C4orf36: variants seen among roughly 807,000 people sequenced by gnomAD.
C4orf36 encodes the protein uncharacterized protein C4orf36.
A neutral mutation model predicts 12.2 loss-of-function variants in C4orf36; 11 were observed. The observed-to-expected ratio is 0.90, with a 90% CI of 0.57 to 1.49. The LOEUF is 1.49. Among genes scored for constraint, C4orf36 ranks in the 40% most tolerant of loss-of-function variants. The pLI, the probability that C4orf36 is intolerant of heterozygous loss-of-function variation, is 0.00. For synonymous variants in C4orf36, 54 were observed against 51.3 expected, an observed-to-expected ratio of 1.05 and a Z score of -0.22; for missense variants, 137 against 133.9, an observed-to-expected ratio of 1.02 and a Z score of -0.11.
chr4:86,926,139 A>G, the C4orf36 span: 1 of 152,314 alleles, frequency 6.6e-6, no homozygotes, highest in African/African-American at 2.4e-5. Context: ...TTGGCCTCCC[A>G]AAGTGTTGGG....
chr4:86,914,237 G>A, the C4orf36 span: 1 of 1,601,052 alleles, frequency 6.2e-7, no homozygotes, highest in East Asian at 2.2e-5. Context: ...TTGGCTTACA[G>A]ACACCATCTT....
chr4:86,911,921 C>T, the C4orf36 span, among the ~76,000 whole-genome samples: 1 of 152,170 alleles, frequency 6.6e-6, no homozygotes, highest in African/African-American at 2.4e-5. Context: ...AGTGCAATGG[C>T]GTGATCTTGG....
At chr4:86,926,052 A>G in the C4orf36 span, 2 of 151,580 alleles carry the variant, frequency 1.3e-5, no homozygotes, top group Admixed American at 6.6e-5. Context: ...AATTTTTTGT[A>G]TTTTTTAGTA....
rs138842346 is a variant in C4orf36 at position 86,888,236 on chromosome 4, C to G, written c.105G>C (p.Trp35Cys). ...ACTTGATATTGGCTAGGTTTGTGGACCAGGTCTTTGCAAGCAATGCAATAT... is the reference window on the plus strand; with the variant it reads ...ACTTGATATTGGCTAGGTTTGTGGAGCAGGTCTTTGCAAGCAATGCAATAT... Reference protein sequence around the residue: ...PWDIALLAKTWSTNLANIKLP... With the variant: ...PWDIALLAKTCSTNLANIKLP... The change falls in exon 3 of 5, where the codon TGG becomes TGC. Residue 35 changes from tryptophan (W) to cysteine (C), a missense_variant. Transcript: ENST00000295898. 4 of 1,613,954 alleles carry G rather than the reference C, an allele frequency of 2.5e-6. No individual in the cohort carries two copies. In the South Asian group the frequency reaches 3.3e-5, roughly 13 times the overall value.
chr4:86,903,862 A>G, the C4orf36 span, among the ~76,000 whole-genome samples: 12 of 152,086 alleles, frequency 7.9e-5, no homozygotes, highest in Non-Finnish European at 8.8e-5. Context: ...TGCATTTACA[A>G]TTACTTAGCT....
chr4:86,922,712 A>G, the C4orf36 span, among the ~76,000 whole-genome samples: 1 of 152,120 alleles, frequency 6.6e-6, no homozygotes, highest in Non-Finnish European at 1.5e-5. Context: ...GATGGCTTCC[A>G]GCTCACCATC....
the C4orf36 span, among the ~76,000 whole-genome samples, chr4:86,931,555 T>C: frequency 6.4e-4 from 98 of 152,182 alleles, no homozygotes; most frequent in African/African-American, 2.2e-3. Flanking sequence ...TGCACAACCA[T>C]GCCTAGCTAA....
At chr4:86,899,746 A>T in the C4orf36 span, among the ~76,000 whole-genome samples, 1 of 152,188 alleles carries the variant, frequency 6.6e-6, no homozygotes, top group African/African-American at 2.4e-5. Flanking sequence ...TGGGAAGATC[A>T]CTTGAGCCTG....
the C4orf36 span, among the ~76,000 whole-genome samples, chr4:86,922,820 G>A: frequency 2.1e-4 from 32 of 152,170 alleles, no homozygotes; most frequent in African/African-American, 7.5e-4. Flanking sequence ...CTACAGCCCC[G>A]TCCTCTCCAA....
chr4:86,884,370 T>A (rs1747121854), intron 4 of C4orf36, among the ~76,000 whole-genome samples: 1 of 147,712 alleles, frequency 6.8e-6, no homozygotes, highest in Non-Finnish European at 1.5e-5. Context: ...AGTGGCATGA[T>A]CACAGCTCAA....
At chr4:86,913,707 C>T in the C4orf36 span, 8 of 1,603,368 alleles carry the variant, frequency 5.0e-6, no homozygotes, top group Non-Finnish European at 6.0e-6. Flanking sequence ...GCGGCTCCCA[C>T]TGGCAGAGAA....
the C4orf36 span, chr4:86,934,872 C>G: frequency 3.3e-5 from 5 of 152,154 alleles, no homozygotes; most frequent in African/African-American, 7.2e-5. Flanking sequence ...CGTCCCTTGC[C>G]GCTTGGGTGG....
intron 4 of C4orf36, among the ~76,000 whole-genome samples, chr4:86,880,115 A>G (rs1206653564): frequency 6.6e-6 from 1 of 152,116 alleles, no homozygotes; most frequent in Non-Finnish European, 1.5e-5. Context: ...TGGCCTCCCA[A>G]CCTTCTGGGA....
chr4:86,924,283 T>C, the C4orf36 span, among the ~76,000 whole-genome samples: 1 of 152,314 alleles, frequency 6.6e-6, no homozygotes, highest in East Asian at 1.9e-4. Flanking sequence ...CACTGCAACC[T>C]CTGCCTCCTG....
the C4orf36 span, among the ~76,000 whole-genome samples, chr4:86,904,055 C>T: frequency 6.6e-6 from 1 of 152,246 alleles, no homozygotes; most frequent in Non-Finnish European, 1.5e-5. Flanking sequence ...CTCCAAGTCC[C>T]CACCCATCCC....
the C4orf36 span, among the ~76,000 whole-genome samples, chr4:86,897,615 T>C: frequency 2.2e-4 from 33 of 152,354 alleles, no homozygotes; most frequent in East Asian, 6.2e-3. Context: ...TTAGACACAT[T>C]ATTGCATGAC....
chr4:86,890,621 T>C (rs1344102966), intron 2 of C4orf36, among the ~76,000 whole-genome samples: 1 of 152,182 alleles, frequency 6.6e-6, no homozygotes, highest in Non-Finnish European at 1.5e-5. Context: ...CTGAATTTCT[T>C]ATAGCTCTGG....
chr4:86,880,253 A>G (rs1439283418), intron 4 of C4orf36, among the ~76,000 whole-genome samples: 1 of 152,152 alleles, frequency 6.6e-6, no homozygotes, highest in Non-Finnish European at 1.5e-5. Flanking sequence ...TGAACAGATC[A>G]GTTGAGGTCA....
intron 2 of C4orf36, among the ~76,000 whole-genome samples, chr4:86,891,086 C>T (rs749121587): frequency 3.3e-5 from 5 of 152,066 alleles, no homozygotes; most frequent in East Asian, 1.9e-4. Flanking sequence ...TTTTGGTAGA[C>T]GTGGAGTATC....
Sources: allele counts gnomAD v4.1 joint callset (sites outside exome capture counted in the v4.1 genomes callset), GRCh38; gene constraint gnomAD v4.1.1; transcripts MANE v1.5; gene names NCBI Gene and HGNC (gene_info 2026-07-23, HGNC 2026-07-21).